FRMD8: variants seen among roughly 807,000 people sequenced by gnomAD.
FRMD8 encodes the protein FERM domain containing 8.
Under a neutral mutation model 54.2 loss-of-function variants are expected in FRMD8, and 37 were observed. That is an observed-to-expected ratio of 0.68 (90% confidence interval 0.53 to 0.90). FRMD8 has a LOEUF of 0.90. Among genes scored for constraint, FRMD8 ranks in the 40% least tolerant of loss-of-function variants. The pLI, the probability that FRMD8 is intolerant of heterozygous loss-of-function variation, is 0.00. For missense variants in FRMD8, 585 were observed against 653.7 expected, an observed-to-expected ratio of 0.89 and a Z score of 1.15; for synonymous variants, 246 against 286.9, an observed-to-expected ratio of 0.86 and a Z score of 1.44.
At chr11:65,372,299 G>A in the FRMD8 span, among the ~76,000 whole-genome samples, 1,559 of 152,242 alleles carry the variant, frequency 0.01, 31 homozygotes, top group African/African-American at 0.036. Flanking sequence ...ATCTCCTCCT[G>A]GGGCCACTGT....
At chr11:65,398,029 C>G (rs1855994552) in intron 7 of FRMD8, among the ~76,000 whole-genome samples, 1 of 152,076 alleles carries the variant, frequency 6.6e-6, no homozygotes, top group African/African-American at 2.4e-5. Context: ...GTCTGCACCA[C>G]TATGCACGGC....
intron 6 of FRMD8, 123 bp downstream of exon 6, chr11:65,394,548 G>A (rs1217982887): frequency 1.7e-6 from 2 of 1,192,766 alleles, no homozygotes; most frequent in Admixed American, 4.8e-5. Context: ...GGAGGCCTCA[G>A]CCCCGCAGGC....
the FRMD8 span, chr11:65,376,860 C>T: frequency 4.2e-5 from 68 of 1,614,112 alleles, no homozygotes; most frequent in Middle Eastern, 1.6e-4. Context: ...CAGAGCCCTT[C>T]ATAGGTGATG....
intron 5 of FRMD8, 61 bp from the exon 6 acceptor site, chr11:65,394,198 C>T: frequency 2.5e-6 from 4 of 1,592,642 alleles, no homozygotes; most frequent in African/African-American, 1.3e-5. Flanking sequence ...CCCAGCCCAA[C>T]TGAGCAGCTC....
At chr11:65,396,468 C>T (rs543943422) in intron 6 of FRMD8, among the ~76,000 whole-genome samples, 4 of 152,112 alleles carry the variant, frequency 2.6e-5, no homozygotes, top group South Asian at 2.1e-4. Context: ...GTTTTAGGGC[C>T]GGGGGAGCTC....
the FRMD8 span, among the ~76,000 whole-genome samples, chr11:65,369,478 C>T: frequency 6.6e-6 from 1 of 151,932 alleles, no homozygotes; most frequent in African/African-American, 2.4e-5. Context: ...CCTGTAATTC[C>T]AGCACTTTGG....
upstream of FRMD8, among the ~76,000 whole-genome samples, chr11:65,385,825 C>T (rs1319324515): frequency 2.0e-5 from 3 of 151,072 alleles, no homozygotes; most frequent in Non-Finnish European, 4.4e-5. Flanking sequence ...CAGACGGAGT[C>T]TCGCCGTCGC....
chr11:65,369,115 C>T, the FRMD8 span, among the ~76,000 whole-genome samples: 5 of 152,240 alleles, frequency 3.3e-5, no homozygotes, highest in East Asian at 9.7e-4. Flanking sequence ...CTTGGACCCG[C>T]CCCAAGCCTA....
At chr11:65,374,452 C>T in the FRMD8 span, among the ~76,000 whole-genome samples, 15 of 147,436 alleles carry the variant, frequency 1.0e-4, no homozygotes, top group Non-Finnish European at 1.5e-4. Flanking sequence ...TACATAATGT[C>T]TCTGAGCCGA....
At chr11:65,402,628 C>A (rs1268097798) in intron 9 of FRMD8, among the ~76,000 whole-genome samples, 1 of 151,988 alleles carries the variant, frequency 6.6e-6, no homozygotes, top group Non-Finnish European at 1.5e-5. Flanking sequence ...CGCTATCCAC[C>A]CCCCAAAAAA....
rs149330420 is a variant in FRMD8, at chr11:65,404,953, G to A, written c.1161G>A (p.Ser387=). The change falls in exon 10 of 11, where the codon TCG becomes TCA. Residue 387 remains serine (S), a synonymous_variant. Coordinates refer to ENST00000317568, the MANE Select transcript of FRMD8 (RefSeq NM_031904.5). This position sits in a 1 kb window ranked among gnomAD's most constrained non-coding sequence, Gnocchi z 4.7. The part of the protein sequence containing the change: ...PAGPQDSATG[S]PSDPSSSLAP... ...GCCCCCAGGACAGTGCGACTGGCTC[G>A]CCCTCGGACCCCAGCTCCTCACTGG... The A allele has an allele frequency of 1.7e-5, 27 of 1,612,210 alleles. No individual in the cohort carries two copies. Among genetic ancestry groups the A allele is most frequent in the Middle Eastern group, 3.3e-4 (2 of 6,074 alleles).
upstream of FRMD8, among the ~76,000 whole-genome samples, chr11:65,384,802 T>C (rs998225587): frequency 6.6e-6 from 1 of 152,186 alleles, no homozygotes; most frequent in Non-Finnish European, 1.5e-5. Context: ...GAGCTCACAC[T>C]CCTGGGCTCC....
At chr11:65,374,314 C>T in the FRMD8 span, among the ~76,000 whole-genome samples, 2 of 145,538 alleles carry the variant, frequency 1.4e-5, no homozygotes, top group African/African-American at 5.0e-5. Context: ...CCCCATGTGC[C>T]CAGGTGGAGC....
rs752574606 is a variant in FRMD8 at position 65,396,946 on chromosome 11, C to T, written c.729C>T (p.Asp243=). 2.5e-5 allele frequency: 38 copies of T among 1,528,444 alleles called. No individual in the cohort carries two copies. The Admixed American group carries it at 3.5e-4, about 14-fold the overall frequency. 94.7% of individuals were successfully genotyped at this position (1,528,444 alleles called of 1,614,324 possible). A position where few individuals can be genotyped will look rare whatever the true frequency, so the allele number is the denominator to read the frequency against. The part of the protein sequence containing the change: ...AYRQVQEVSS[D]GGCEAALGTH... Reference sequence around the variant, plus strand: ...GCCAGGTGCAGGAGGTCAGCAGCGACGGCGGGTGCGAGGCCGCCCTGGGCA... The same window carrying T: ...GCCAGGTGCAGGAGGTCAGCAGCGATGGCGGGTGCGAGGCCGCCCTGGGCA... Residue 243 remains aspartate, a synonymous_variant, in exon 7 of 11, where the codon GAC becomes GAT. Coordinates refer to ENST00000317568, the MANE Select transcript of FRMD8 (RefSeq NM_031904.5).
At chr11:65,403,370 A>G (rs1856122742) in intron 9 of FRMD8, among the ~76,000 whole-genome samples, 1 of 152,026 alleles carries the variant, frequency 6.6e-6, no homozygotes, top group African/African-American at 2.4e-5. Flanking sequence ...TTTAGTAGAG[A>G]TGGGTTTTCA....
At chr11:65,384,631 C>A (rs1855701795), upstream of FRMD8, among the ~76,000 whole-genome samples, 1 of 152,238 alleles carries the variant, frequency 6.6e-6, no homozygotes, top group Non-Finnish European at 1.5e-5. Context: ...CAGTGCCCCA[C>A]ACACAGCAAG....
rs202152552 is a variant in FRMD8 at position 65,389,308 on chromosome 11, C to T, written c.86-53C>T. 2,367 of 1,587,984 alleles carry T rather than the reference C, an allele frequency of 1.5e-3. 1 individual carries two copies. Among genetic ancestry groups the T allele is most frequent in the Non-Finnish European group, 2.0e-3 (2,302 of 1,167,328 alleles). ...GGTAGAGGGTGCCTGGTTGGCCTGG[C>T]CTGGCTGTGCCAGGCAGAGGCCTCA... On this transcript the variant is annotated intron_variant, in intron 2 of 10. Transcript: ENST00000317568.
rs1295633496 is a variant in FRMD8, at chr11:65,412,686, G to A, written c.*1326G>A. 1 of 152,278 alleles carries A rather than the reference G, an allele frequency of 6.6e-6. No individual in the cohort carries two copies. 9.4% of individuals were successfully genotyped at this position (152,278 alleles called of 1,614,324 possible). Reference sequence around the variant, plus strand: ...CCGGTGGAAAACCGTGGGAGAGGAAGCTTGGGCCTCTACTCCAAGTATCAG... The same window carrying A: ...CCGGTGGAAAACCGTGGGAGAGGAAACTTGGGCCTCTACTCCAAGTATCAG... On this transcript the variant is annotated 3_prime_UTR_variant, in exon 11 of 11. Coordinates refer to ENST00000317568, the MANE Select transcript of FRMD8 (RefSeq NM_031904.5).
rs908790306 is a variant in FRMD8, at chr11:65,405,024, C to T, written c.1232C>T (p.Ser411Phe). Residue 411 changes from serine (S) to phenylalanine (F), a missense_variant, in exon 10 of 11, where the codon TCC becomes TTC. Physicochemically the swap from Ser to Phe is radical, Grantham distance 155. Coordinates refer to ENST00000317568, the MANE Select transcript of FRMD8 (RefSeq NM_031904.5). The part of the protein sequence containing the change: ...PKLRRQGSVV[S>F]SRIQHLSTID... The stretch of plus-strand genomic sequence containing the variant: ...CTGCGGAGGCAGGGCAGTGTGGTGT[C>T]CAGCCGGATCCAGCATCTCTCCACC... 3.7e-6 allele frequency: 6 copies of T among 1,613,334 alleles called. No homozygotes were observed. The highest frequency in any genetic ancestry group is 1.3e-5 in the African/African-American group (1 of 74,968).
Sources: allele counts gnomAD v4.1 joint callset (sites outside exome capture counted in the v4.1 genomes callset), GRCh38; gene constraint gnomAD v4.1.1; non-coding constraint Gnocchi (gnomAD v3.1); transcripts MANE v1.5; gene names NCBI Gene and HGNC (gene_info 2026-07-23, HGNC 2026-07-21).